The following ARFGEF1 variants were observed in gnomAD, a reference collection of about 807,000 sequenced individuals.
The protein encoded by ARFGEF1 is brefeldin A-inhibited guanine nucleotide-exchange protein 1.
Under a neutral mutation model 231.0 loss-of-function variants are expected in ARFGEF1, and 42 were observed. The ratio of observed to expected loss-of-function variants is 0.18; its 90% CI spans 0.14 to 0.24. ARFGEF1 has a LOEUF of 0.24. Among genes scored for constraint, ARFGEF1 ranks in the 10% least tolerant of loss-of-function variants. The pLI is 1.00. For synonymous variants in ARFGEF1, 710 were observed against 732.3 expected (o/e 0.97, Z 0.49); for missense variants, 1,345 against 2,192.0 (o/e 0.61, Z 7.72).
chr8:67,308,264 C>T (rs139675770), intron 1 of ARFGEF1, among the ~76,000 whole-genome samples: 9 of 152,276 alleles, frequency 5.9e-5, no homozygotes, highest in African/African-American at 1.9e-4. Flanking sequence ...CACTGCATTA[C>T]ACCACTAAGT....
chr8:67,333,662 T>C (rs1220837687), intron 1 of ARFGEF1, among the ~76,000 whole-genome samples: 1 of 152,086 alleles, frequency 6.6e-6, no homozygotes, highest in African/African-American at 2.4e-5. Flanking sequence ...CTCCCATGTA[T>C]GTGTGTGTAG....
intron 34 of ARFGEF1, among the ~76,000 whole-genome samples, chr8:67,205,703 A>C (rs1015016818): frequency 6.6e-6 from 1 of 151,868 alleles, no homozygotes; most frequent in African/African-American, 2.4e-5. Flanking sequence ...CAAAGCTACA[A>C]AAAAATGTGC....
chr8:67,180,527 C>T (rs1832761736), intron 5 of ARFGEF1, among the ~76,000 whole-genome samples: 1 of 152,002 alleles, frequency 6.6e-6, no homozygotes, highest in East Asian at 1.9e-4. Context: ...GGGGTAGATA[C>T]ATACATGTAA....
chr8:67,343,031 G>C (rs1017466999), intron 1 of ARFGEF1, 133 bp downstream of exon 1: 3 of 1,057,490 alleles, frequency 2.8e-6, no homozygotes, highest in South Asian at 1.6e-5. Context: ...AGGGAACAGA[G>C]GGCTCCGCGA....
At chr8:67,298,875 C>A (rs1463212192) in intron 4 of ARFGEF1, among the ~76,000 whole-genome samples, 3 of 152,160 alleles carry the variant, frequency 2.0e-5, no homozygotes, top group African/African-American at 7.2e-5. Context: ...AAGTGATTCT[C>A]CTGCCTCAGC....
intron 1 of ARFGEF1, among the ~76,000 whole-genome samples, chr8:67,337,604 C>T (rs1408798331): frequency 4.6e-5 from 7 of 151,992 alleles, no homozygotes; most frequent in Non-Finnish European, 1.0e-4. Context: ...ACACAAGCCT[C>T]CTTGCATCCT....
At chr8:67,330,997 T>C (rs1808073122) in intron 1 of ARFGEF1, among the ~76,000 whole-genome samples, 1 of 152,128 alleles carries the variant, frequency 6.6e-6, no homozygotes, top group African/African-American at 2.4e-5. Context: ...TAATAAGATG[T>C]TAAGAATGAG....
downstream of ARFGEF1, among the ~76,000 whole-genome samples, chr8:67,194,126 G>GCCAT (rs1259300982): frequency 1.4e-4 from 22 of 152,142 alleles, no homozygotes; most frequent in African/African-American, 4.6e-4. Flanking sequence ...AGAGCACAAG[G>GCCAT]CAGGATGGTT....
intron 1 of ARFGEF1, among the ~76,000 whole-genome samples, chr8:67,339,407 C>T (rs1007886048): frequency 1.3e-5 from 2 of 152,002 alleles, no homozygotes; most frequent in Admixed American, 6.6e-5. Flanking sequence ...CATAGATACT[C>T]TTCATTCGAT....
intron 29 of ARFGEF1, among the ~76,000 whole-genome samples, chr8:67,223,892 C>T (rs1306824242): frequency 6.6e-6 from 1 of 152,100 alleles, no homozygotes; most frequent in East Asian, 1.9e-4. Context: ...AACAATCCAC[C>T]ATGTCTAAAT....
At chr8:67,177,903 AT>A (rs1832083873) in intron 5 of ARFGEF1, among the ~76,000 whole-genome samples, 2 of 152,346 alleles carry the variant, frequency 1.3e-5, no homozygotes, top group South Asian at 2.1e-4. Flanking sequence ...TAGAAAACAT[AT>A]TGTAATGGCT....
chr8:67,332,666 C>T (rs1808152642), intron 1 of ARFGEF1, among the ~76,000 whole-genome samples: 1 of 152,072 alleles, frequency 6.6e-6, no homozygotes, highest in South Asian at 2.1e-4. Flanking sequence ...GGCCCTTTTT[C>T]TCTTTTTGAC....
chr8:67,299,028 C>T (rs1181682700), intron 4 of ARFGEF1, among the ~76,000 whole-genome samples, 181 bp downstream of exon 4: 1 of 152,164 alleles, frequency 6.6e-6, no homozygotes, highest in African/African-American at 2.4e-5. Flanking sequence ...AAGTGATCCG[C>T]CCAACTTGGC....
At chr8:67,316,464 ATTT>A (rs939191717) in intron 1 of ARFGEF1, among the ~76,000 whole-genome samples, 4 of 146,350 alleles carry the variant, frequency 2.7e-5, no homozygotes, top group Admixed American at 1.4e-4. Flanking sequence ...CTGTTGTATA[ATTT>A]TTTTTTTTTT....
chr8:67,179,689 G>A (rs895358701), intron 5 of ARFGEF1, among the ~76,000 whole-genome samples: 7 of 152,196 alleles, frequency 4.6e-5, no homozygotes, highest in African/African-American at 1.7e-4. Context: ...TAGGAATTGT[G>A]TGTGTTAAGG....
intron 28 of ARFGEF1, 57 bp from the exon 29 acceptor site, chr8:67,225,090 A>G: frequency 7.1e-7 from 1 of 1,399,600 alleles, no homozygotes; most frequent in Non-Finnish European, 9.5e-7. Flanking sequence ...TACATTCAGT[A>G]TACTAACTTC....
rs1393703386 is a variant in ARFGEF1, at chr8:67,343,343, GGGA to G, written c.-59_-57del. The G allele has an allele frequency of 1.9e-5, 31 of 1,600,622 alleles. No individual in the cohort carries two copies. Among genetic ancestry groups the G allele is most frequent in the African/African-American group, 5.4e-5 (4 of 74,474 alleles). On this transcript the variant is annotated 5_prime_UTR_variant, in exon 1 of 39. Coordinates refer to ENST00000262215, the MANE Select transcript of ARFGEF1 (RefSeq NM_006421.5). ...GACCCGCGGCTCCCAGCGGCTGGAG[GGGA>G]GGAGGAGGAGAGGAAGGAAGAGAAG...
At chr8:67,280,925 A>C (rs1805507988) in intron 7 of ARFGEF1, among the ~76,000 whole-genome samples, 2 of 152,344 alleles carry the variant, frequency 1.3e-5, no homozygotes, top group South Asian at 4.1e-4. Flanking sequence ...CAATCTGAGC[A>C]AATGGGGAAT....
In ARFGEF1 at chr8:67,228,104, C is replaced by T; in HGVS notation, c.3450G>A (p.Val1150=). 1 of 1,610,868 alleles carries T rather than the reference C, an allele frequency of 6.2e-7. No individual in the cohort carries two copies. Among genetic ancestry groups the T allele is most frequent in the Non-Finnish European group, 8.5e-7 (1 of 1,178,860 alleles). ...IVDFVRWLCA[V]SMDELLSTTH... is the part of the protein sequence containing the mutation. ...TCGTGGAAAGTAATTCATCCATAGA[C>T]ACAGCACAGAGCCAACGGACAAAAT... Residue 1150 remains valine (V), a synonymous_variant, in exon 25 of 39, where the codon GTG becomes GTA. Coordinates refer to ENST00000262215, the MANE Select transcript of ARFGEF1 (RefSeq NM_006421.5).
Sources: gnomAD v4.1 joint callset for allele counts (sites outside exome capture counted in the v4.1 genomes callset) on GRCh38, gnomAD v4.1.1 for gene constraint, MANE v1.5 for transcripts, NCBI Gene and HGNC (gene_info 2026-07-23, HGNC 2026-07-21) for gene names.